The following NR2C2 variants were observed in gnomAD, a reference collection of about 807,000 sequenced individuals.
NR2C2 encodes Nuclear hormone receptor TR4.
A neutral mutation model predicts 62.9 loss-of-function variants in NR2C2; 6 were observed. The ratio of observed to expected loss-of-function variants is 0.10; its 90% confidence interval spans 0.05 to 0.19. The LOEUF is 0.19. Ranked by LOEUF, NR2C2 falls within the 10% of genes least tolerant of loss-of-function variation. The pLI, the probability that NR2C2 is intolerant of heterozygous loss-of-function variation, is 1.00. For missense variants in NR2C2, 479 were observed against 762.7 expected (o/e 0.63, Z 4.38); for synonymous variants, 272 against 273.8 (o/e 0.99, Z 0.07).
At chr3:14,954,632 C>T (rs899034695) in intron 1 of NR2C2, among the ~76,000 whole-genome samples, 38 of 152,250 alleles carry the variant, frequency 2.5e-4, no homozygotes, top group African/African-American at 7.9e-4. Flanking sequence ...GTATTATAAA[C>T]AGTGCAATAA....
At chr3:15,027,667 G>A (rs370346247) in intron 7 of NR2C2, among the ~76,000 whole-genome samples, 1 of 151,868 alleles carries the variant, frequency 6.6e-6, no homozygotes, top group African/African-American at 2.4e-5. Flanking sequence ...GCACAATCAT[G>A]GCTCACTGCA....
chr3:14,985,659 T>G (rs2040494894), intron 1 of NR2C2, among the ~76,000 whole-genome samples: 1 of 152,178 alleles, frequency 6.6e-6, no homozygotes. Flanking sequence ...CTGTCTCAGA[T>G]TTAGAGATAC....
At chr3:15,040,633 T>C (rs569394032) in intron 13 of NR2C2, among the ~76,000 whole-genome samples, 1 of 151,922 alleles carries the variant, frequency 6.6e-6, no homozygotes, top group Non-Finnish European at 1.5e-5. Flanking sequence ...GGGTGTCTTA[T>C]GGCTGGCTGG....
intron 1 of NR2C2, among the ~76,000 whole-genome samples, chr3:14,994,436 ATTCTTTTTTTTTT>A (rs1047681161): frequency 9.5e-6 from 1 of 105,368 alleles, no homozygotes; most frequent in African/African-American, 3.8e-5. Flanking sequence ...TTGTTTATTC[ATTCTTTTTTTTTT>A]TTTTTTTTTT....
intron 6 of NR2C2, 29 bp from the exon 7 acceptor site, chr3:15,024,086 T>C (rs777772620): frequency 6.8e-7 from 1 of 1,468,560 alleles, no homozygotes; most frequent in Non-Finnish European, 9.5e-7. Context: ...TGTTGGAAGC[T>C]ACTCTGAGTT....
At chr3:14,986,362 A>G (rs535303675) in intron 1 of NR2C2, among the ~76,000 whole-genome samples, 15 of 152,338 alleles carry the variant, frequency 9.8e-5, no homozygotes, top group East Asian at 9.6e-4. Context: ...AGAAGATACA[A>G]TTGTTTTGTA....
At chr3:15,021,011 A>T in intron 5 of NR2C2, 79 bp downstream of exon 5, 2 of 1,372,302 alleles carry the variant, frequency 1.5e-6, no homozygotes, top group South Asian at 2.7e-5. Flanking sequence ...AGGTTTCTAT[A>T]CCTGGCCTTA....
chr3:15,030,549 C>A, intron 9 of NR2C2, 97 bp downstream of exon 9: 1 of 1,275,914 alleles, frequency 7.8e-7, no homozygotes, highest in Non-Finnish European at 1.1e-6. Context: ...ACCTTGGGGC[C>A]AGGCATAGTG....
intron 1 of NR2C2, among the ~76,000 whole-genome samples, chr3:14,997,418 T>C (rs754542613): frequency 2.0e-5 from 3 of 152,232 alleles, no homozygotes; most frequent in Non-Finnish European, 4.4e-5. Context: ...TGCAGACTAA[T>C]AGACTCAACC....
intron 1 of NR2C2, among the ~76,000 whole-genome samples, chr3:14,991,958 A>G (rs771490298): frequency 5.9e-5 from 9 of 151,582 alleles, no homozygotes; most frequent in East Asian, 5.8e-4. Flanking sequence ...TTTAGTAGGG[A>G]TGGGGTCTTG....
intron 1 of NR2C2, among the ~76,000 whole-genome samples, chr3:14,973,186 T>G (rs1264373420): frequency 6.6e-6 from 1 of 152,224 alleles, no homozygotes; most frequent in East Asian, 1.9e-4. Flanking sequence ...TTTAGTGTCA[T>G]AATCAAGAAA....
chr3:15,010,875 A>C (rs1216412524), intron 2 of NR2C2, among the ~76,000 whole-genome samples: 2 of 152,206 alleles, frequency 1.3e-5, no homozygotes, highest in Admixed American at 6.5e-5. Flanking sequence ...AAGAAATGAC[A>C]TGCTGGTTAT....
intron 1 of NR2C2, among the ~76,000 whole-genome samples, chr3:14,974,865 A>C (rs766857022): frequency 1.3e-5 from 2 of 152,106 alleles, no homozygotes; most frequent in Non-Finnish European, 2.9e-5. Flanking sequence ...TGGCCTCCCA[A>C]AGTGCTGGGA....
chr3:15,022,871 AAAT>A lies in NR2C2; in HGVS notation c.557-323_557-321del, dbSNP rs546386619. Among the ~76,000 whole-genome samples, 68 of 152,302 alleles carry A rather than the reference AAAT, an allele frequency of 4.5e-4. 1 individual carries two copies. The highest frequency in any genetic ancestry group is 1.5e-3 in the African/African-American group (64 of 41,544). On this transcript the variant is annotated intron_variant, in intron 5 of 13. Transcript: ENST00000425241. Reference sequence around the variant, plus strand: ...GGCTTCATCTCTACAAAAAATAATAAAATAATAACATAAAATAATAGCATAAAA... The same window carrying A: ...GGCTTCATCTCTACAAAAAATAATAAAATAACATAAAATAATAGCATAAAA...
At position 15,047,837 on chromosome 3, in the gene NR2C2, TATAAGTTATGATTTTAAATTTTC is replaced by T. The variant is rs1361153706; in HGVS notation, c.*4831_*4853del. 5 of 152,376 alleles carry T rather than the reference TATAAGTTATGATTTTAAATTTTC, an allele frequency of 3.3e-5. No individual in the cohort carries two copies. The highest frequency in any genetic ancestry group is 1.3e-4 in the Admixed American group (2 of 15,310). 9.4% of individuals were successfully genotyped at this position (152,376 alleles called of 1,614,324 possible). A position where few individuals can be genotyped will look rare whatever the true frequency, so the allele number is the denominator to read the frequency against. On this transcript the variant is annotated 3_prime_UTR_variant, in exon 14 of 14. Transcript: ENST00000425241. The stretch of plus-strand genomic sequence containing the variant: ...CATGTAAATGACTTTAACTCCTTTC[TATAAGTTATGATTTTAAATTTTC>T]AGATAAGAATTGCATTTTAATATGG...
chr3:15,001,151 T>C lies in NR2C2; in HGVS notation c.-39-2725T>C, dbSNP rs116166768. ...TTAAATTTCTCATAGCAATATCTTATAGTTTTCAGTATTCAAATCTTGCAT... is the reference window on the plus strand; with the variant it reads ...TTAAATTTCTCATAGCAATATCTTACAGTTTTCAGTATTCAAATCTTGCAT... On this transcript the variant is annotated intron_variant, in intron 1 of 13. Transcript: ENST00000425241. 9.4e-3 allele frequency among the ~76,000 whole-genome samples: 1,423 copies of C among 152,112 alleles called. 7 individuals carry two copies. Among genetic ancestry groups the C allele is most frequent in the Non-Finnish European group, 0.015 (1,049 of 67,980 alleles).
chr3:14,967,335 T>C (rs762694482), intron 1 of NR2C2, among the ~76,000 whole-genome samples: 6 of 152,112 alleles, frequency 3.9e-5, no homozygotes, highest in Non-Finnish European at 8.8e-5. Context: ...CTCTATTGTT[T>C]TTCTATTTTC....
At chr3:14,970,241 T>C (rs2039996512) in intron 1 of NR2C2, among the ~76,000 whole-genome samples, 1 of 116,302 alleles carries the variant, frequency 8.6e-6, no homozygotes, top group African/African-American at 3.3e-5. Flanking sequence ...TTATCGGGCT[T>C]AGATACTGTC....
intron 2 of NR2C2, among the ~76,000 whole-genome samples, chr3:15,005,886 GTGAT>G (rs2041159623): frequency 6.6e-6 from 1 of 151,966 alleles, no homozygotes. Flanking sequence ...CATATTTAAA[GTGAT>G]TGTTGATATA....
Sources: allele counts gnomAD v4.1 joint callset (sites outside exome capture counted in the v4.1 genomes callset), GRCh38; gene constraint gnomAD v4.1.1; transcripts MANE v1.5; gene names NCBI Gene and HGNC (gene_info 2026-07-23, HGNC 2026-07-21).